The following ZNF518A variants were observed in gnomAD, a reference collection of about 807,000 sequenced individuals.
ZNF518A encodes zinc finger protein 518.
A neutral mutation model predicts 102.7 loss-of-function variants in ZNF518A; 47 were observed. The ratio of observed to expected loss-of-function variants is 0.46; its 90% CI spans 0.36 to 0.58. The LOEUF is 0.58. ZNF518A is among the 20% of genes least tolerant of loss of function. The pLI is 0.00. For synonymous variants in ZNF518A, 652 were observed against 594.6 expected (o/e 1.10, Z -1.40); for missense variants, 1,793 against 1,699.8 (o/e 1.05, Z -0.96).
At chr10:96,202,254 A>G (rs1249518965) in intron 1 of ZNF518A, among the ~76,000 whole-genome samples, 8 of 152,146 alleles carry the variant, frequency 5.3e-5, no homozygotes, top group African/African-American at 1.9e-4. Context: ...GGGTAACATG[A>G]TCTGCCTATG....
downstream of ZNF518A, chr10:96,204,143 G>C: frequency 6.3e-7 from 1 of 1,593,508 alleles, no homozygotes; most frequent in East Asian, 2.2e-5. Flanking sequence ...GAGTAAGTTT[G>C]ACTTTTTGTT....
intron 3 of ZNF518A, among the ~76,000 whole-genome samples, chr10:96,140,041 A>G (rs894705796): frequency 1.4e-4 from 22 of 151,854 alleles, no homozygotes; most frequent in Non-Finnish European, 3.1e-4. Context: ...TGTTTTTAGT[A>G]GTGGCGGGGT....
In ZNF518A at chr10:96,157,287, C is replaced by A; in HGVS notation, c.965C>A (p.Ala322Glu). ...KLILKRYKIG[A>E]SRKTFWKRKK... is the part of the protein sequence containing the mutation. The stretch of plus-strand genomic sequence containing the variant: ...ATACTGAAAAGATATAAAATAGGTG[C>A]ATCAAGGAAGACGTTCTGGAAACGT... Residue 322 changes from alanine (A) to glutamate (E), a missense_variant, in exon 6 of 6, where the codon GCA becomes GAA. Around this residue, in one of 3 missense-constraint regions of ZNF518A, gnomAD observed 1,741 missense variants for 1,622.6 expected, o/e 1.07. Transcript: ENST00000316045. 6.2e-7 allele frequency: 1 copy of A among 1,612,264 alleles called. No homozygotes were observed. Among genetic ancestry groups the A allele is most frequent in the Non-Finnish European group, 8.5e-7 (1 of 1,179,132 alleles).
At chr10:96,141,071 A>G (rs1185170767) in intron 3 of ZNF518A, among the ~76,000 whole-genome samples, 1 of 152,248 alleles carries the variant, frequency 6.6e-6, no homozygotes, top group Non-Finnish European at 1.5e-5. Flanking sequence ...ATCTAAAATC[A>G]TAGTCATATA....
In ZNF518A at chr10:96,161,611, A is replaced by G. The variant is rs1206459910; in HGVS notation, c.*837A>G. The G allele has an allele frequency of 6.0e-6, 1 of 166,810 alleles. No individual in the cohort carries two copies. The allele number at this position is 166,810 out of a possible 1,614,324, so 10.3% of individuals were successfully genotyped here. A position where few individuals can be genotyped will look rare whatever the true frequency, so the allele number is the denominator to read the frequency against. On this transcript the variant is annotated 3_prime_UTR_variant, in exon 6 of 6. Coordinates refer to ENST00000316045, the MANE Select transcript of ZNF518A (RefSeq NM_001330736.2). ...CTTATCTCATGTTTGTCCTCCATAA[A>G]CAAATGGCCATTTTTTTCTTCTTGG... is the stretch of plus-strand genomic sequence containing the variant.
rs782493709 is a variant in ZNF518A, at chr10:96,157,276, T to C, written c.954T>C (p.Tyr318=). The C allele has an allele frequency of 7.4e-6, 12 of 1,611,930 alleles. No homozygotes were observed. The highest frequency in any genetic ancestry group is 1.7e-5 in the Admixed American group (1 of 59,564). Residue 318 remains tyrosine, a synonymous_variant, in exon 6 of 6, where the codon TAT becomes TAC. Transcript: ENST00000316045. ...GACTTAAGCTAATACTGAAAAGATA[T>C]AAAATAGGTGCATCAAGGAAGACGT... is the stretch of plus-strand genomic sequence containing the variant. ...SAGLKLILKR[Y]KIGASRKTFW...
At chr10:96,165,484 AAAAAAC>A (rs1195534639), downstream of ZNF518A, among the ~76,000 whole-genome samples, 72 of 145,464 alleles carry the variant, frequency 4.9e-4, 2 homozygotes, top group African/African-American at 1.5e-3. Context: ...AAAAAAAAAA[AAAAAAC>A]AGACACCAAA....
intron 3 of ZNF518A, among the ~76,000 whole-genome samples, chr10:96,147,209 GGC>G (rs2082211579): frequency 6.6e-6 from 1 of 152,196 alleles, no homozygotes; most frequent in Admixed American, 6.5e-5. Flanking sequence ...TGAGAATCTG[GGC>G]CAGGCTTACC....
chr10:96,143,208 T>C (rs1272837437), intron 3 of ZNF518A, among the ~76,000 whole-genome samples: 6 of 152,230 alleles, frequency 3.9e-5, no homozygotes, highest in African/African-American at 1.4e-4. Flanking sequence ...TTTCTATTTT[T>C]ACTCTTTCTC....
downstream of ZNF518A, among the ~76,000 whole-genome samples, chr10:96,164,973 A>G (rs187271597): frequency 1.3e-5 from 2 of 152,248 alleles, no homozygotes; most frequent in Non-Finnish European, 2.9e-5. Context: ...AAGAATAGGA[A>G]AGCAAAATGA....
chr10:96,173,200 A>G (rs1554891098), intron 1 of ZNF518A, among the ~76,000 whole-genome samples: 1 of 152,154 alleles, frequency 6.6e-6, no homozygotes, highest in East Asian at 1.9e-4. Flanking sequence ...AGCTTCTAGA[A>G]CCAGTCCCCC....
downstream of ZNF518A, among the ~76,000 whole-genome samples, chr10:96,163,928 A>T (rs587655881): frequency 2.4e-3 from 363 of 152,322 alleles, 3 homozygotes; most frequent in Middle Eastern, 6.8e-3. Context: ...TAAAATATGT[A>T]TATAAAGTTT....
At chr10:96,150,733 T>A (rs1199435048) in intron 3 of ZNF518A, among the ~76,000 whole-genome samples, 1 of 118,958 alleles carries the variant, frequency 8.4e-6, no homozygotes, top group East Asian at 2.4e-4. Flanking sequence ...GCAGCAACTT[T>A]CTTTCTTTCC....
Position 96,157,347 on chromosome 10 carries a change from A to C in ZNF518A, c.1025A>C (p.Glu342Ala). 1 of 1,611,058 alleles carries C rather than the reference A, an allele frequency of 6.2e-7. No individual in the cohort carries two copies. The highest frequency in any genetic ancestry group is 8.5e-7 in the Non-Finnish European group (1 of 1,178,442). ...AACAGTGGAAGTGACAGAAGTATAG[A>C]AAAGAACACTCAAGTGCTTAAGAAA... ...KINSGSDRSI[E>A]KNTQVLKKMN... The change falls in exon 6 of 6, where the codon GAA (glutamate) becomes GCA (alanine). Residue 342 changes from glutamate to alanine, a missense_variant. Glu to Ala is a moderately radical substitution (Grantham distance 107, BLOSUM62 -1). Coordinates refer to ENST00000316045, the MANE Select transcript of ZNF518A (RefSeq NM_001330736.2).
At position 96,156,401 on chromosome 10, in the gene ZNF518A, A is replaced by G; in HGVS notation, c.79A>G (p.Ile27Val). 1 of 1,605,636 alleles carries G rather than the reference A, an allele frequency of 6.2e-7. No individual in the cohort carries two copies. Among genetic ancestry groups the G allele is most frequent in the Non-Finnish European group, 8.5e-7 (1 of 1,177,768 alleles). ...LKKDYDVKNE[I>V]VDRSAPKPKI... ...AAAAGATTATGATGTGAAAAATGAG[A>G]TAGTTGATAGGTCGGCACCTAAACC... The change falls in exon 6 of 6, where the codon ATA becomes GTA. Residue 27 changes from isoleucine to valine, a missense_variant. By Grantham distance (29) the Ile-to-Val change is conservative (BLOSUM62 3). Transcript: ENST00000316045.
chr10:96,135,365 T>A (rs1554874035), intron 3 of ZNF518A: 2 of 152,226 alleles, frequency 1.3e-5, no homozygotes, highest in African/African-American at 4.8e-5. Flanking sequence ...CAAAATTTTT[T>A]GTGTAAATTG....
intron 3 of ZNF518A, among the ~76,000 whole-genome samples, chr10:96,136,606 G>A (rs147172749): frequency 5.0e-4 from 76 of 151,810 alleles, no homozygotes; most frequent in African/African-American, 1.6e-3. Context: ...GATCGCTTGA[G>A]CCCAGGAGTT....
Position 96,163,508 on chromosome 10 carries a change from C to T in ZNF518A, c.*2734C>T, listed in dbSNP as rs965060314. On this transcript the variant is annotated 3_prime_UTR_variant, in exon 6 of 6. Transcript: ENST00000316045. ...TACTATTTGGCAAGTACTTAAAAAA[C>T]ATAATTCAGTTTTCAAAGAATTTAT... is the stretch of plus-strand genomic sequence containing the variant. 4 of 167,020 alleles carry T rather than the reference C, an allele frequency of 2.4e-5. No individual in the cohort carries two copies. Among genetic ancestry groups the T allele is most frequent in the African/African-American group, 9.7e-5 (4 of 41,442 alleles). 10.3% of individuals were successfully genotyped at this position (167,020 alleles called of 1,614,324 possible).
chr10:96,150,194 C>T (rs1269967930), intron 3 of ZNF518A, among the ~76,000 whole-genome samples: 3 of 150,354 alleles, frequency 2.0e-5, no homozygotes, highest in Non-Finnish European at 3.0e-5. Flanking sequence ...ATTAACCAGG[C>T]GTGGTGGTGG....
Sources: allele counts gnomAD v4.1 joint callset (sites outside exome capture counted in the v4.1 genomes callset), GRCh38; gene constraint gnomAD v4.1.1; regional missense constraint gnomAD v4.1.1; transcripts MANE v1.5; gene names NCBI Gene and HGNC (gene_info 2026-07-23, HGNC 2026-07-21).